The following BLNK variants were observed in gnomAD, a reference collection of about 807,000 sequenced individuals.
BLNK encodes the protein B cell linker.
Under a neutral mutation model 73.5 loss-of-function variants are expected in BLNK, and 29 were observed. That is an observed-to-expected ratio of 0.39 (90% CI 0.29 to 0.54). BLNK has a LOEUF of 0.54. BLNK is among the 20% of genes least tolerant of loss of function. BLNK has a pLI of 0.61. For synonymous variants in BLNK, 176 were observed against 200.8 expected, an observed-to-expected ratio of 0.88 and a Z score of 1.04; for missense variants, 460 against 562.8, an observed-to-expected ratio of 0.82 and a Z score of 1.85.
intron 5 of BLNK, among the ~76,000 whole-genome samples, chr10:96,227,017 C>A (rs1202480697): frequency 1.3e-5 from 2 of 152,172 alleles, no homozygotes; most frequent in South Asian, 2.1e-4. Context: ...TTGTTTTGTA[C>A]AGACTTCTTA....
chr10:96,219,163 CCTT>C (rs2084136569), intron 6 of BLNK, among the ~76,000 whole-genome samples: 1 of 152,238 alleles, frequency 6.6e-6, no homozygotes, highest in South Asian at 2.1e-4. Context: ...AGGGCCTTCT[CCTT>C]CTCTGTGTTT....
intron 4 of BLNK, among the ~76,000 whole-genome samples, chr10:96,228,087 T>A (rs1842346049): frequency 7.1e-5 from 1 of 14,126 alleles, no homozygotes; most frequent in Non-Finnish European, 3.9e-4. Flanking sequence ...GTTTGCTCTC[T>A]TTTTTTTCTT....
intron 6 of BLNK, among the ~76,000 whole-genome samples, chr10:96,219,137 T>C (rs1211608958): frequency 2.6e-5 from 4 of 152,234 alleles, no homozygotes; most frequent in Non-Finnish European, 2.9e-5. Flanking sequence ...TGTCAAACTA[T>C]GAACTCCCGA....
intron 6 of BLNK, among the ~76,000 whole-genome samples, chr10:96,217,606 C>G (rs1434089025): frequency 6.6e-6 from 1 of 152,034 alleles, no homozygotes; most frequent in African/African-American, 2.4e-5. Context: ...TTTGTATATT[C>G]TTTGGAGACA....
chr10:96,255,179 TAGAA>T (rs1843458513), intron 1 of BLNK, among the ~76,000 whole-genome samples: 1 of 152,030 alleles, frequency 6.6e-6, no homozygotes, highest in Non-Finnish European at 1.5e-5. Flanking sequence ...CCCAGGCACA[TAGAA>T]GGATAAACAA....
intron 9 of BLNK, 65 bp from the exon 10 acceptor site, chr10:96,207,964 T>G: frequency 2.0e-6 from 3 of 1,518,464 alleles, no homozygotes; most frequent in Non-Finnish European, 2.7e-6. Flanking sequence ...CTATTTACCA[T>G]TATTTTAGTC....
intron 3 of BLNK, among the ~76,000 whole-genome samples, chr10:96,242,300 C>A (rs1408774986): frequency 6.6e-6 from 1 of 152,180 alleles, no homozygotes; most frequent in Non-Finnish European, 1.5e-5. Context: ...ATTGTGAGGT[C>A]CCCCCAGCCA....
intron 1 of BLNK, among the ~76,000 whole-genome samples, chr10:96,258,227 A>G (rs1198207507): frequency 6.6e-6 from 1 of 152,170 alleles, no homozygotes; most frequent in Non-Finnish European, 1.5e-5. Context: ...GAGCTGGCAG[A>G]GTTTTGACAG....
Position 96,200,949 on chromosome 10 carries a change from A to C in BLNK, c.1011+33T>G. 6.3e-7 allele frequency: 1 copy of C among 1,588,706 alleles called. No homozygotes were observed. Among genetic ancestry groups the C allele is most frequent in the Non-Finnish European group, 8.6e-7 (1 of 1,156,830 alleles). Reference sequence around the variant, plus strand: ...TGCTCTTTCCTGCAGTTTCCTGGTAACAATTTAGTGACATCAAGAGTTCAT... The same window carrying C: ...TGCTCTTTCCTGCAGTTTCCTGGTACCAATTTAGTGACATCAAGAGTTCAT... On this transcript the variant is annotated intron_variant, in intron 14 of 16. Coordinates refer to ENST00000224337, the MANE Select transcript of BLNK (RefSeq NM_013314.4). This position sits in a 1 kb window ranked among gnomAD's most constrained non-coding sequence, Gnocchi z 4.3.
intron 7 of BLNK, 69 bp downstream of exon 7, chr10:96,216,584 A>G (rs111745663): frequency 7.3e-7 from 1 of 1,364,884 alleles, no homozygotes; most frequent in African/African-American, 1.4e-5. Flanking sequence ...AGTGCTTACT[A>G]CCAAATACTC....
chr10:96,224,695 T>G (rs2084278059), intron 5 of BLNK, among the ~76,000 whole-genome samples: 3 of 152,162 alleles, frequency 2.0e-5, no homozygotes, highest in Non-Finnish European at 2.9e-5. Flanking sequence ...TATTTTTAAT[T>G]TTTTAATTTT....
intron 13 of BLNK, among the ~76,000 whole-genome samples, chr10:96,203,074 C>T (rs2083689550): frequency 6.6e-6 from 1 of 152,138 alleles, no homozygotes; most frequent in Non-Finnish European, 1.5e-5. Context: ...CTGTCTCCTT[C>T]AGTAGAATAT....
Position 96,227,402 on chromosome 10 carries a change from G to A in BLNK, c.361+8C>T, listed in dbSNP as rs782472139. ...AGGCCGAGTGCCCAGGTCTGCGGGGGACCTCACCTATATACTCGCCTCTGG... is the reference window on the plus strand; with the variant it reads ...AGGCCGAGTGCCCAGGTCTGCGGGGAACCTCACCTATATACTCGCCTCTGG... On this transcript the variant is annotated splice_region_variant and intron_variant, in intron 5 of 16. Coordinates refer to ENST00000224337, the MANE Select transcript of BLNK (RefSeq NM_013314.4). The A allele has an allele frequency of 2.5e-6, 4 of 1,613,132 alleles. No homozygotes were observed. Among genetic ancestry groups the A allele is most frequent in the Non-Finnish European group, 3.4e-6 (4 of 1,179,988 alleles).
intron 1 of BLNK, among the ~76,000 whole-genome samples, chr10:96,260,078 T>C (rs146259058): frequency 1.6e-3 from 248 of 152,272 alleles, no homozygotes; most frequent in Admixed American, 3.0e-3. Flanking sequence ...CTTTAGCACA[T>C]TGGAATGCTT....
At chr10:96,215,220 A>G (rs1338618123) in intron 8 of BLNK, 101 bp downstream of exon 8, 1 of 1,304,480 alleles carries the variant, frequency 7.7e-7, no homozygotes, top group Non-Finnish European at 1.1e-6. Flanking sequence ...TGTTCCCAAT[A>G]TTAAGACATT....
chr10:96,199,806 C>A (rs2083580569), intron 15 of BLNK, among the ~76,000 whole-genome samples: 1 of 152,024 alleles, frequency 6.6e-6, no homozygotes, highest in Non-Finnish European at 1.5e-5. Flanking sequence ...GGCAGATCAA[C>A]TGAGGTCAGG....
rs782705676 is a variant in BLNK, at chr10:96,223,897, T to G, written c.454A>C (p.Thr152Pro). 1 of 1,613,526 alleles carries G rather than the reference T, an allele frequency of 6.2e-7. No homozygotes were observed. The highest frequency in any genetic ancestry group is 1.1e-5 in the South Asian group (1 of 91,038). The change falls in exon 6 of 17, where the codon ACC becomes CCC. Residue 152 changes from threonine (T) to proline (P), a missense_variant. Physicochemically the swap from Thr to Pro is conservative, Grantham distance 38. Around this residue, in one of 3 missense-constraint regions of BLNK, gnomAD observed 233 missense variants for 232.1 expected, o/e 1.00. Coordinates refer to ENST00000224337, the MANE Select transcript of BLNK (RefSeq NM_013314.4). ...WPSEKARLTS[T>P]LPALTALQKP... ...TGCAAAGCAGTCAGGGCCGGCAGGG[T>G]GGAGGTGAGCCTTGCTTTCTCTGAA...
intron 6 of BLNK, among the ~76,000 whole-genome samples, chr10:96,221,263 C>G (rs587714185): frequency 6.6e-6 from 1 of 152,332 alleles, no homozygotes; most frequent in East Asian, 1.9e-4. Context: ...GTGTTAGCCT[C>G]TCTCATTATA....
At chr10:96,264,378 A>G (rs1412874690) in intron 1 of BLNK, among the ~76,000 whole-genome samples, 1 of 152,180 alleles carries the variant, frequency 6.6e-6, no homozygotes, top group South Asian at 2.1e-4. Flanking sequence ...CTCTGTCTAC[A>G]GTGGGCAAGA....
Sources: allele counts gnomAD v4.1 joint callset (sites outside exome capture counted in the v4.1 genomes callset), GRCh38; gene constraint gnomAD v4.1.1; regional missense constraint gnomAD v4.1.1; non-coding constraint Gnocchi (gnomAD v3.1); transcripts MANE v1.5; gene names NCBI Gene and HGNC (gene_info 2026-07-23, HGNC 2026-07-21).